The following PXDNL variants were observed in gnomAD, a reference collection of about 807,000 sequenced individuals.
PXDNL encodes the protein peroxidasin like.
A neutral mutation model predicts 150.8 loss-of-function variants in PXDNL; 145 were observed. The ratio of observed to expected loss-of-function variants is 0.96; its 90% CI spans 0.84 to 1.10. The LOEUF (loss-of-function observed/expected upper bound fraction) is 1.10, where lower values mean the gene tolerates loss of function less well. Ranked by LOEUF, PXDNL falls within the 50% of genes least tolerant of loss-of-function variation. The pLI is 0.00. For missense variants in PXDNL, 2,087 were observed against 1,873.9 expected, an observed-to-expected ratio of 1.11 and a Z score of -2.10; for synonymous variants, 757 against 725.7, an observed-to-expected ratio of 1.04 and a Z score of -0.69.
intron 2 of PXDNL, among the ~76,000 whole-genome samples, chr8:51,618,027 A>C (rs1585624727): frequency 6.6e-6 from 1 of 152,254 alleles, no homozygotes; most frequent in Non-Finnish European, 1.5e-5. Flanking sequence ...CACCATTTTG[A>C]AAGTCGCTGC....
chr8:51,601,816 G>T (rs750404168), intron 2 of PXDNL, among the ~76,000 whole-genome samples: 4 of 151,198 alleles, frequency 2.6e-5, no homozygotes, highest in African/African-American at 4.9e-5. Flanking sequence ...TTAATGTAGG[G>T]TCTGTAGGCT....
At position 51,606,697 on chromosome 8, in the gene PXDNL, T is replaced by G. The variant is rs189162228; in HGVS notation, c.237-13999A>C. Among the ~76,000 whole-genome samples the G allele has an allele frequency of 3.3e-3, 503 of 152,140 alleles. 5 individuals carry two copies. The highest frequency in any genetic ancestry group is 0.017 in the South Asian group (84 of 4,826). On this transcript the variant is annotated intron_variant, in intron 2 of 22. Transcript: ENST00000356297. ...AAAAACAACTGGGTAAAATTGATTT[T>G]TATGATATATCTTTATCTAATTCAA...
At chr8:51,478,613 G>A (rs1286315318) in intron 6 of PXDNL, among the ~76,000 whole-genome samples, 1 of 152,168 alleles carries the variant, frequency 6.6e-6, no homozygotes, top group Admixed American at 6.5e-5. Flanking sequence ...ACCCAGTGTC[G>A]GGTGATCCTT....
intron 2 of PXDNL, among the ~76,000 whole-genome samples, chr8:51,619,491 T>A (rs1014400167): frequency 1.3e-5 from 2 of 152,154 alleles, no homozygotes; most frequent in Admixed American, 6.5e-5. Context: ...TAATTCCCAA[T>A]GTTGGAGGTG....
At chr8:51,439,027 T>C (rs1646408130) in intron 12 of PXDNL, among the ~76,000 whole-genome samples, 1 of 152,206 alleles carries the variant, frequency 6.6e-6, no homozygotes, top group African/African-American at 2.4e-5. Flanking sequence ...AAGGACTTCA[T>C]GACCAAGAAT....
chr8:51,750,935 A>G (rs1190129174), intron 1 of PXDNL, among the ~76,000 whole-genome samples: 2 of 152,230 alleles, frequency 1.3e-5, no homozygotes, highest in African/African-American at 4.8e-5. Flanking sequence ...ACTCTTCCCT[A>G]GCTAGGGACA....
chr8:51,655,350 A>G (rs957163557), intron 1 of PXDNL, among the ~76,000 whole-genome samples: 1 of 152,190 alleles, frequency 6.6e-6, no homozygotes, highest in Non-Finnish European at 1.5e-5. Context: ...CGTGTCAGCT[A>G]TGTGCCACCT....
intron 1 of PXDNL, among the ~76,000 whole-genome samples, chr8:51,719,428 G>C (rs980435576): frequency 1.3e-5 from 2 of 152,136 alleles, no homozygotes; most frequent in African/African-American, 2.4e-5. Context: ...TTGTTAAACA[G>C]ATGCTTGAAG....
At chr8:51,320,496 G>T (rs1805283949) in intron 22 of PXDNL, among the ~76,000 whole-genome samples, 1 of 152,120 alleles carries the variant, frequency 6.6e-6, no homozygotes, top group South Asian at 2.1e-4. Context: ...TCCCAGGTTG[G>T]CTCAGTTTAC....
intron 14 of PXDNL, among the ~76,000 whole-genome samples, chr8:51,419,331 A>G (rs952277676): frequency 1.3e-5 from 2 of 152,176 alleles, no homozygotes; most frequent in Non-Finnish European, 2.9e-5. Context: ...CAATGTCTCA[A>G]TGGTAAGAAT....
At chr8:51,752,093 G>A (rs1246959850) in intron 1 of PXDNL, among the ~76,000 whole-genome samples, 1 of 152,206 alleles carries the variant, frequency 6.6e-6, no homozygotes, top group Non-Finnish European at 1.5e-5. Context: ...CTGTAAGTAT[G>A]CATTCATCTA....
At chr8:51,485,577 T>A (rs185064850) in intron 5 of PXDNL, among the ~76,000 whole-genome samples, 62 of 152,262 alleles carry the variant, frequency 4.1e-4, no homozygotes, top group African/African-American at 1.3e-3. Context: ...ACCAAGATCA[T>A]CACCCTATCC....
chr8:51,353,006 C>T lies in PXDNL; in HGVS notation c.3902-7059G>A, dbSNP rs1190807598. ...AGATTACCTATTGAGTACAATGGTACAAAGAAGTATACAACTAAAAAGCAT... is the reference window on the plus strand; with the variant it reads ...AGATTACCTATTGAGTACAATGGTATAAAGAAGTATACAACTAAAAAGCAT... On this transcript the variant is annotated intron_variant, in intron 19 of 22. Transcript: ENST00000356297. Among the ~76,000 whole-genome samples, 3 of 152,022 alleles carry T rather than the reference C, an allele frequency of 2.0e-5. No individual in the cohort carries two copies. In the East Asian group the frequency reaches 5.8e-4, roughly 29 times the overall value.
chr8:51,352,458 G>T (rs1463863525), intron 19 of PXDNL, among the ~76,000 whole-genome samples: 1 of 152,136 alleles, frequency 6.6e-6, no homozygotes, highest in Non-Finnish European at 1.5e-5. Context: ...TCCAGGGAGG[G>T]ACCTGGTGGG....
At chr8:51,688,408 A>G (rs1027073322) in intron 1 of PXDNL, among the ~76,000 whole-genome samples, 4 of 152,204 alleles carry the variant, frequency 2.6e-5, no homozygotes, top group Non-Finnish European at 5.9e-5. Flanking sequence ...CAAGAACCAC[A>G]CACAGAACAC....
chr8:51,364,857 A>G (rs1806866097), intron 19 of PXDNL, among the ~76,000 whole-genome samples: 2 of 152,262 alleles, frequency 1.3e-5, no homozygotes, highest in Admixed American at 6.5e-5. Flanking sequence ...AAATGAAGCA[A>G]TGATTAGAAA....
intron 1 of PXDNL, 150 bp from the exon 2 acceptor site, chr8:51,654,910 T>C: frequency 1.5e-6 from 1 of 656,736 alleles, no homozygotes; most frequent in Admixed American, 2.6e-5. Flanking sequence ...GTGCACATCA[T>C]ACACTAATCA....
At chr8:51,339,562 C>A (rs1805929178) in intron 21 of PXDNL, 62 bp downstream of exon 21, 1 of 1,520,574 alleles carries the variant, frequency 6.6e-7, no homozygotes, top group East Asian at 2.3e-5. Flanking sequence ...CTGGACAAAT[C>A]TTTTATGTTT....
At chr8:51,321,256 T>A (rs1450553971) in intron 21 of PXDNL, 1 of 167,760 alleles carries the variant, frequency 6.0e-6, no homozygotes, top group Non-Finnish European at 1.3e-5. Flanking sequence ...TTTATTTATT[T>A]TTTGTCCCCC....
Sources: gnomAD v4.1 joint callset for allele counts (sites outside exome capture counted in the v4.1 genomes callset) on GRCh38, gnomAD v4.1.1 for gene constraint, MANE v1.5 for transcripts, NCBI Gene and HGNC (gene_info 2026-07-23, HGNC 2026-07-21) for gene names.